Variants in GRM1 observed in about 807,000 individuals in gnomAD.
GRM1 encodes the protein metabotropic glutamate receptor 1.
Under a neutral mutation model 90.9 loss-of-function variants are expected in GRM1, and 33 were observed. That is an observed-to-expected ratio of 0.36 (90% CI 0.28 to 0.49). The LOEUF is 0.49. GRM1 is among the 20% of genes least tolerant of loss of function. The probability of loss-of-function intolerance (pLI) is 0.99; values close to 1 mark genes in which losing one functional copy is unlikely to be tolerated. For missense variants in GRM1, 1,190 were observed against 1,534.3 expected, an observed-to-expected ratio of 0.78 and a Z score of 3.75; for synonymous variants, 700 against 613.2, an observed-to-expected ratio of 1.14 and a Z score of -2.09.
At chr6:146,124,370 G>A (rs1776115913) in intron 1 of GRM1, among the ~76,000 whole-genome samples, 1 of 152,094 alleles carries the variant, frequency 6.6e-6, no homozygotes, top group South Asian at 2.1e-4. Flanking sequence ...TTTCGAAGAG[G>A]ACATTAAATG....
rs905249090 is a variant in GRM1 at position 146,382,845 on chromosome 6, A to G, written c.1603-4045A>G. ...CTGTGCCTTGATGACTATGCTGTGA[A>G]AACATTGAAAAGATGGCATAGTCCT... On this transcript the variant is annotated intron_variant, in intron 5 of 7. Coordinates refer to ENST00000282753, the MANE Select transcript of GRM1 (RefSeq NM_001278064.2). 3.3e-5 allele frequency among the ~76,000 whole-genome samples: 5 copies of G among 152,280 alleles called. No homozygotes were observed. The East Asian group carries it at 9.7e-4, about 29-fold the overall frequency.
chr6:146,333,200 C>T (rs1784644906), intron 3 of GRM1, among the ~76,000 whole-genome samples: 1 of 152,120 alleles, frequency 6.6e-6, no homozygotes, highest in South Asian at 2.1e-4. Flanking sequence ...TGGTAGGATT[C>T]AGCTGGCATG....
At chr6:146,250,541 A>G (rs149068698) in intron 2 of GRM1, among the ~76,000 whole-genome samples, 1 of 152,292 alleles carries the variant, frequency 6.6e-6, no homozygotes, top group African/African-American at 2.4e-5. Context: ...AGGTTTCCTG[A>G]GGCCACCCCA....
Position 146,349,372 on chromosome 6 carries a change from C to T in GRM1, c.1187-2878C>T, listed in dbSNP as rs371228377. 2.0e-5 allele frequency among the ~76,000 whole-genome samples: 3 copies of T among 151,910 alleles called. No individual in the cohort carries two copies. The East Asian group carries it at 5.8e-4, about 29-fold the overall frequency. The stretch of plus-strand genomic sequence containing the variant: ...CTGGGATTACAGGCGTGAGCCACCA[C>T]GCCCGGCCGTATTAGTATTATTGTA... On this transcript the variant is annotated intron_variant, in intron 3 of 7. Transcript: ENST00000282753.
intron 1 of GRM1, among the ~76,000 whole-genome samples, chr6:146,040,283 G>A (rs140419371): frequency 1.4e-4 from 21 of 152,046 alleles, no homozygotes; most frequent in East Asian, 3.9e-4. Context: ...TACTAGTAGC[G>A]ATACATGAGA....
chr6:146,166,360 A>G (rs1270606799), intron 2 of GRM1, among the ~76,000 whole-genome samples: 1 of 152,112 alleles, frequency 6.6e-6, no homozygotes, highest in African/African-American at 2.4e-5. Flanking sequence ...GGCATTCACT[A>G]TGAATTAACT....
chr6:146,374,806 A>G (rs1392211432), intron 5 of GRM1, among the ~76,000 whole-genome samples: 1 of 151,850 alleles, frequency 6.6e-6, no homozygotes, highest in African/African-American at 2.4e-5. Flanking sequence ...TAACTTTTCA[A>G]AAAACCAACT....
At chr6:146,322,228 G>T (rs990930155) in intron 3 of GRM1, among the ~76,000 whole-genome samples, 2 of 152,216 alleles carry the variant, frequency 1.3e-5, no homozygotes, top group Non-Finnish European at 2.9e-5. Context: ...TACCAGCAGA[G>T]GCTGCAGAAC....
chr6:146,143,563 C>G (rs1290519308), intron 1 of GRM1, among the ~76,000 whole-genome samples: 2 of 152,068 alleles, frequency 1.3e-5, no homozygotes, highest in Non-Finnish European at 2.9e-5. Context: ...GTATCTTGTT[C>G]CCTGTTTTTC....
intron 1 of GRM1, among the ~76,000 whole-genome samples, chr6:146,080,922 C>T (rs1776344760): frequency 1.3e-5 from 2 of 152,210 alleles, no homozygotes; most frequent in Non-Finnish European, 2.9e-5. Context: ...ATTTCCCACA[C>T]CCACGGTGGA....
At chr6:146,364,776 ATT>A (rs11389715) in intron 5 of GRM1, among the ~76,000 whole-genome samples, 158 of 141,806 alleles carry the variant, frequency 1.1e-3, no homozygotes, top group African/African-American at 3.6e-3. Context: ...CTCTTCTTCT[ATT>A]TTTTTTTTTT....
At position 146,352,369 on chromosome 6, in the gene GRM1, G is replaced by A. The variant is rs755116876; in HGVS notation, c.1306G>A (p.Val436Met). The A allele has an allele frequency of 3.6e-5, 58 of 1,614,012 alleles. 1 individual carries two copies. The highest frequency in any genetic ancestry group is 4.3e-5 in the Non-Finnish European group (51 of 1,179,980). The change falls in exon 4 of 8, where the codon GTG (valine) becomes ATG (methionine). Residue 436 changes from valine (V) to methionine (M), a missense_variant. Val to Met is a conservative substitution (Grantham distance 21). Coordinates refer to ENST00000282753, the MANE Select transcript of GRM1 (RefSeq NM_001278064.2). ...NMHHALCPGH[V>M]GLCDAMKPID... ...GCACCATGCCCTCTGCCCTGGCCAC[G>A]TGGGCCTCTGCGATGCCATGAAGCC...
chr6:146,277,259 A>G (rs895980124), intron 2 of GRM1, among the ~76,000 whole-genome samples: 1 of 152,190 alleles, frequency 6.6e-6, no homozygotes, highest in African/African-American at 2.4e-5. Flanking sequence ...GGGTTGCTCA[A>G]ACCCTGCAGA....
At chr6:146,422,619 T>C (rs968838958) in intron 7 of GRM1, among the ~76,000 whole-genome samples, 7 of 152,182 alleles carry the variant, frequency 4.6e-5, no homozygotes, top group Non-Finnish European at 8.8e-5. Context: ...GTGCCAGGCC[T>C]CCTGATTCAA....
chr6:146,296,206 A>G (rs904588821), intron 2 of GRM1, among the ~76,000 whole-genome samples: 4 of 152,314 alleles, frequency 2.6e-5, no homozygotes, highest in Non-Finnish European at 5.9e-5. Context: ...TTATGGTAGA[A>G]TGATTTATAT....
chr6:146,412,348 G>T (rs1194011639), intron 7 of GRM1, among the ~76,000 whole-genome samples: 1 of 152,150 alleles, frequency 6.6e-6, no homozygotes, highest in Non-Finnish European at 1.5e-5. Context: ...CAGCAAGACC[G>T]AGAGCCAGAT....
chr6:146,128,436 C>A (rs1271182897), intron 1 of GRM1, among the ~76,000 whole-genome samples: 3 of 152,138 alleles, frequency 2.0e-5, no homozygotes, highest in Admixed American at 2.0e-4. Flanking sequence ...CAATTATCAT[C>A]TCTATTTTTG....
chr6:146,033,445 C>A (rs1463262833), intron 1 of GRM1, among the ~76,000 whole-genome samples: 1 of 152,022 alleles, frequency 6.6e-6, no homozygotes, highest in African/African-American at 2.4e-5. Flanking sequence ...TAATAAAATT[C>A]AAAGCATTGA....
chr6:146,063,534 T>G (rs1775744262), intron 1 of GRM1, among the ~76,000 whole-genome samples: 1 of 152,198 alleles, frequency 6.6e-6, no homozygotes, highest in Non-Finnish European at 1.5e-5. Flanking sequence ...GGAGATTTCT[T>G]ACTTTTATTT....
Sources: gnomAD v4.1 joint callset for allele counts (sites outside exome capture counted in the v4.1 genomes callset) on GRCh38, gnomAD v4.1.1 for gene constraint, MANE v1.5 for transcripts, NCBI Gene and HGNC (gene_info 2026-07-23, HGNC 2026-07-21) for gene names.